Variants in NOL4 observed in about 807,000 individuals in gnomAD.
NOL4 encodes the protein nucleolar protein 4, also known as cancer/testis antigen 125.
NOL4 carries 17 observed loss-of-function variants against 75.9 expected under a neutral mutation model. That is an observed-to-expected ratio of 0.22 (90% confidence interval 0.15 to 0.34). The LOEUF (loss-of-function observed/expected upper bound fraction) is 0.34. Among genes scored for constraint, NOL4 ranks in the 10% least tolerant of loss-of-function variants. NOL4 has a pLI of 1.00. For missense variants in NOL4, 614 were observed against 793.5 expected, an observed-to-expected ratio of 0.77 and a Z score of 2.72; for synonymous variants, 292 against 289.9, an observed-to-expected ratio of 1.01 and a Z score of -0.07.
At chr18:34,192,891 T>C (rs1299942168) in intron 1 of NOL4, among the ~76,000 whole-genome samples, 4 of 152,190 alleles carry the variant, frequency 2.6e-5, no homozygotes, top group Non-Finnish European at 4.4e-5. Context: ...AGGCCCCCTC[T>C]TGCTCTATTG....
chr18:34,218,062 A>G (rs928647219), intron 1 of NOL4, among the ~76,000 whole-genome samples: 1 of 151,986 alleles, frequency 6.6e-6, no homozygotes, highest in Non-Finnish European at 1.5e-5. Context: ...TATAACCTAA[A>G]ACATAGTAGA....
chr18:34,006,705 T>C (rs2146284378), intron 6 of NOL4, among the ~76,000 whole-genome samples: 1 of 152,152 alleles, frequency 6.6e-6, no homozygotes, highest in Non-Finnish European at 1.5e-5. Flanking sequence ...AAAATAAGTG[T>C]GGCAATAGGC....
chr18:33,854,389 C>T (rs777610827), intron 10 of NOL4, among the ~76,000 whole-genome samples: 3 of 152,030 alleles, frequency 2.0e-5, no homozygotes, highest in Non-Finnish European at 4.4e-5. Flanking sequence ...CTGTAGTGGC[C>T]TTTCAAAGCT....
At chr18:33,921,291 G>C (rs1198897195) in intron 9 of NOL4, among the ~76,000 whole-genome samples, 1 of 152,150 alleles carries the variant, frequency 6.6e-6, no homozygotes, top group Non-Finnish European at 1.5e-5. Context: ...ATTGGACTTA[G>C]AGTTGATGCT....
At chr18:34,150,888 A>T (rs775937976) in intron 1 of NOL4, among the ~76,000 whole-genome samples, 3 of 151,808 alleles carry the variant, frequency 2.0e-5, no homozygotes, top group Non-Finnish European at 4.4e-5. Context: ...CAAATAACTC[A>T]TAAAATTCAA....
chr18:34,217,194 T>C (rs2036952489), intron 1 of NOL4, among the ~76,000 whole-genome samples: 1 of 152,182 alleles, frequency 6.6e-6, no homozygotes, highest in South Asian at 2.1e-4. Context: ...AGTCATTTTT[T>C]CTTCCAAAAA....
intron 9 of NOL4, among the ~76,000 whole-genome samples, chr18:33,902,945 G>T (rs916981410): frequency 3.3e-5 from 5 of 152,060 alleles, no homozygotes; most frequent in African/African-American, 1.2e-4. Flanking sequence ...TTGGTTAAAT[G>T]AATAACTATT....
At chr18:33,991,068 T>A (rs1302062891) in intron 6 of NOL4, among the ~76,000 whole-genome samples, 1 of 152,070 alleles carries the variant, frequency 6.6e-6, no homozygotes, top group African/African-American at 2.4e-5. Flanking sequence ...TCTCCCAATC[T>A]ACCAGTCTCT....
intron 9 of NOL4, among the ~76,000 whole-genome samples, chr18:33,892,407 G>A (rs2065145585): frequency 6.6e-6 from 1 of 151,732 alleles, no homozygotes; most frequent in African/African-American, 2.4e-5. Flanking sequence ...TTCTAGCTTG[G>A]GTGACAGAGT....
At chr18:34,104,650 A>C (rs2079186653) in intron 3 of NOL4, among the ~76,000 whole-genome samples, 1 of 152,026 alleles carries the variant, frequency 6.6e-6, no homozygotes, top group Admixed American at 6.6e-5. Flanking sequence ...GCTAAATCCA[A>C]ATCATAATTT....
intron 1 of NOL4, among the ~76,000 whole-genome samples, chr18:34,195,850 A>G (rs2035288985): frequency 6.6e-6 from 1 of 152,178 alleles, no homozygotes; most frequent in Non-Finnish European, 1.5e-5. Flanking sequence ...ATATCATGAC[A>G]TTAGCATTAA....
At chr18:34,071,644 A>G (rs1293688505) in intron 5 of NOL4, among the ~76,000 whole-genome samples, 2 of 152,224 alleles carry the variant, frequency 1.3e-5, no homozygotes, top group Non-Finnish European at 2.9e-5. Context: ...TTATTATAAA[A>G]TAGGCCATGT....
intron 10 of NOL4, among the ~76,000 whole-genome samples, chr18:33,873,341 G>A (rs2063785427): frequency 6.6e-6 from 1 of 151,916 alleles, no homozygotes; most frequent in Non-Finnish European, 1.5e-5. Context: ...CTTTGCATAT[G>A]GTTAGTGAGC....
At position 34,136,662 on chromosome 18, in the gene NOL4, T is replaced by C. The variant is rs532764286; in HGVS notation, c.265-6642A>G. ...TGTAAGACTTATACACTGAACATTA[T>C]AAAACATTGCTGAAAATATTTAATA... On this transcript the variant is annotated intron_variant, in intron 1 of 10. Transcript: ENST00000261592. Among the ~76,000 whole-genome samples, 40 of 152,248 alleles carry C rather than the reference T, an allele frequency of 2.6e-4. No homozygotes were observed. The South Asian group carries it at 7.3e-3, about 28-fold the overall frequency.
chr18:34,095,718 A>T (rs2145577027), intron 4 of NOL4, among the ~76,000 whole-genome samples: 1 of 152,280 alleles, frequency 6.6e-6, no homozygotes, highest in Middle Eastern at 3.4e-3. Flanking sequence ...TATACAATAC[A>T]TTCTACAGTA....
At chr18:33,874,561 T>A (rs753466743) in intron 10 of NOL4, among the ~76,000 whole-genome samples, 4 of 151,960 alleles carry the variant, frequency 2.6e-5, no homozygotes, top group Non-Finnish European at 5.9e-5. Context: ...AAGATTCAAA[T>A]ATGCTTAAGA....
chr18:33,953,878 C>T (rs1186886406), intron 8 of NOL4, among the ~76,000 whole-genome samples: 2 of 152,046 alleles, frequency 1.3e-5, no homozygotes, highest in African/African-American at 4.8e-5. Context: ...TGGCTAAACA[C>T]GGAACTGTAG....
rs573236661 is a variant in NOL4, at chr18:34,141,706, G to T, written c.265-11686C>A. ...TTCAAGATGGATTAAAGACTTAAAT[G>T]TTAGACCTAAAACCATGAAAACCTT... is the stretch of plus-strand genomic sequence containing the variant. On this transcript the variant is annotated intron_variant, in intron 1 of 10. Transcript: ENST00000261592. 2.6e-5 allele frequency among the ~76,000 whole-genome samples: 4 copies of T among 152,286 alleles called. No individual in the cohort carries two copies. In the East Asian group the frequency reaches 7.7e-4, roughly 29 times the overall value.
At chr18:34,021,102 C>T (rs1351546354) in intron 5 of NOL4, among the ~76,000 whole-genome samples, 4 of 152,152 alleles carry the variant, frequency 2.6e-5, no homozygotes, top group Admixed American at 2.6e-4. Context: ...TATTCACTAA[C>T]ATTTGTTAAG....
Sources: allele counts gnomAD v4.1 joint callset (sites outside exome capture counted in the v4.1 genomes callset), GRCh38; gene constraint gnomAD v4.1.1; transcripts MANE v1.5; gene names NCBI Gene and HGNC (gene_info 2026-07-23, HGNC 2026-07-21).